STK33: variants seen among roughly 807,000 people sequenced by gnomAD.
STK33 encodes serine/threonine-protein kinase 33.
A neutral mutation model predicts 58.0 loss-of-function variants in STK33; 52 were observed. The observed-to-expected ratio is 0.90, with a 90% CI of 0.72 to 1.13. STK33 has a LOEUF of 1.13. Among genes scored for constraint, STK33 ranks in the 50% most tolerant of loss-of-function variants. The pLI is 0.00. For missense variants in STK33, 630 were observed against 604.2 expected (o/e 1.04, Z -0.45); for synonymous variants, 215 against 200.1 (o/e 1.07, Z -0.63).
chr11:8,371,994 TC>T, the STK33 span, among the ~76,000 whole-genome samples: 1 of 151,990 alleles, frequency 6.6e-6, no homozygotes, highest in Non-Finnish European at 1.5e-5. Flanking sequence ...CAAGCAATCC[TC>T]CTGCCTCAGC....
At chr11:8,354,403 G>A in the STK33 span, among the ~76,000 whole-genome samples, 215 of 150,926 alleles carry the variant, frequency 1.4e-3, no homozygotes, top group Middle Eastern at 3.4e-3. Flanking sequence ...TTGAAGGCAG[G>A]TGCTCATACT....
chr11:8,461,662 A>G, intron 8 of STK33, 143 bp downstream of exon 8: 1 of 499,746 alleles, frequency 2.0e-6, no homozygotes. Context: ...AAAGTCCTCC[A>G]GAATGTTCTC....
At chr11:8,337,277 C>G in the STK33 span, among the ~76,000 whole-genome samples, 1 of 152,334 alleles carries the variant, frequency 6.6e-6, no homozygotes, top group East Asian at 1.9e-4. Flanking sequence ...TGATTCCCGG[C>G]CTATTTCTGT....
chr11:8,504,709 G>A (rs1372705832), intron 1 of STK33, among the ~76,000 whole-genome samples: 1 of 152,074 alleles, frequency 6.6e-6, no homozygotes, highest in Non-Finnish European at 1.5e-5. Context: ...GGCTCAGGAG[G>A]ATCACTTGAG....
intron 1 of STK33, among the ~76,000 whole-genome samples, chr11:8,532,450 C>A (rs1954628719): frequency 6.6e-6 from 1 of 152,184 alleles, no homozygotes; most frequent in Admixed American, 6.5e-5. Context: ...GCCATCTGGC[C>A]CTTTGCCCAA....
At chr11:8,464,641 G>T in intron 7 of STK33, 68 bp downstream of exon 7, 2 of 1,127,528 alleles carry the variant, frequency 1.8e-6, no homozygotes, top group Non-Finnish European at 1.3e-6. Flanking sequence ...AGTGTAAAAA[G>T]CTGTACTGTC....
At chr11:8,563,005 T>G (rs907726609) in intron 1 of STK33, among the ~76,000 whole-genome samples, 1 of 152,144 alleles carries the variant, frequency 6.6e-6, no homozygotes, top group African/African-American at 2.4e-5. Flanking sequence ...ATTAGATTAT[T>G]CTAGCTAAAG....
the STK33 span, among the ~76,000 whole-genome samples, chr11:8,346,302 C>T: frequency 2.6e-5 from 4 of 152,170 alleles, no homozygotes; most frequent in African/African-American, 9.7e-5. Context: ...CCCCAGGTGA[C>T]CCTGCGGGGT....
rs78513651 is a variant in STK33, at chr11:8,534,330, A to G, written c.-465-53716T>C. On this transcript the variant is annotated intron_variant, in intron 1 of 15. Transcript: ENST00000687296. ...TTTTTCTGAGGAAAGATTCCAGTAC[A>G]TTCATCAGAGTCCCAAAACAGTCCA... Among the ~76,000 whole-genome samples, 1,055 of 152,172 alleles carry G rather than the reference A, an allele frequency of 6.9e-3. 12 individuals carry two copies. The highest frequency in any genetic ancestry group is 0.023 in the African/African-American group (960 of 41,494).
At chr11:8,443,038 C>T (rs75754460) in intron 11 of STK33, among the ~76,000 whole-genome samples, 10,020 of 152,208 alleles carry the variant, frequency 0.066, 360 homozygotes, top group Non-Finnish European at 0.071. Context: ...GTAGTGATTA[C>T]ACAAGTGTAT....
At position 8,424,323 on chromosome 11, in the gene STK33, A is replaced by AT. The variant is rs112642963; in HGVS notation, c.1147-10632dup. Among the ~76,000 whole-genome samples the AT allele has an allele frequency of 1.1e-4, 17 of 148,286 alleles. No individual in the cohort carries two copies. In the East Asian group the frequency reaches 3.3e-3, roughly 29 times the overall value. ...TCCCTACAAAGGACATGAACTCATC[A>AT]TTTTTTATGGCTGCATAGTATTCCA... On this transcript the variant is annotated intron_variant, in intron 14 of 15. Coordinates refer to ENST00000687296, the MANE Select transcript of STK33 (RefSeq NM_001352389.2).
intron 1 of STK33, among the ~76,000 whole-genome samples, chr11:8,553,155 C>T (rs1162737024): frequency 1.1e-5 from 1 of 90,480 alleles, no homozygotes; most frequent in Non-Finnish European, 2.3e-5. Context: ...GAGACTCCGT[C>T]TCCAAAAATA....
chr11:8,464,833 A>T lies in STK33; in HGVS notation c.340-11T>A, dbSNP rs757478678. On this transcript the variant is annotated splice_polypyrimidine_tract_variant and intron_variant, in intron 6 of 15. Transcript: ENST00000687296. The stretch of plus-strand genomic sequence containing the variant: ...AAAGGTATAGATTTCCTGGAGAAAA[A>T]AAAAAAAAGAGTTGTCTCTCTATGC... The T allele has an allele frequency of 1.9e-6, 3 of 1,554,182 alleles. No individual in the cohort carries two copies. The East Asian group carries it at 6.7e-5, about 35-fold the overall frequency.
chr11:8,483,700 C>T (rs1189415373), intron 1 of STK33, among the ~76,000 whole-genome samples: 1 of 152,072 alleles, frequency 6.6e-6, no homozygotes, highest in East Asian at 1.9e-4. Context: ...TAGGCTCCAG[C>T]CAGTACAATC....
intron 1 of STK33, among the ~76,000 whole-genome samples, chr11:8,522,110 G>A (rs1953507385): frequency 6.6e-6 from 1 of 152,172 alleles, no homozygotes. Context: ...ATTTGACCCA[G>A]CCATCTCATT....
intron 14 of STK33, among the ~76,000 whole-genome samples, chr11:8,428,492 A>G (rs1463052796): frequency 6.6e-6 from 1 of 152,190 alleles, no homozygotes; most frequent in Non-Finnish European, 1.5e-5. Context: ...GTTTCTCTCT[A>G]AAGTTACTTT....
chr11:8,445,189 T>C (rs1364342160), intron 11 of STK33, among the ~76,000 whole-genome samples: 1 of 152,222 alleles, frequency 6.6e-6, no homozygotes, highest in African/African-American at 2.4e-5. Flanking sequence ...CTGTCTGTTA[T>C]TGGTGTCTAG....
chr11:8,583,669 T>C (rs2030871007), intron 1 of STK33, among the ~76,000 whole-genome samples: 2 of 152,154 alleles, frequency 1.3e-5, no homozygotes, highest in African/African-American at 4.8e-5. Context: ...GACCAAAACT[T>C]TCTAAATTTA....
At chr11:8,522,191 C>T (rs1365734884) in intron 1 of STK33, among the ~76,000 whole-genome samples, 1 of 152,178 alleles carries the variant, frequency 6.6e-6, no homozygotes, top group Non-Finnish European at 1.5e-5. Context: ...TTTACTGTGG[C>T]ACTATTCACA....
Sources: allele counts gnomAD v4.1 joint callset (sites outside exome capture counted in the v4.1 genomes callset), GRCh38; gene constraint gnomAD v4.1.1; transcripts MANE v1.5; gene names NCBI Gene and HGNC (gene_info 2026-07-23, HGNC 2026-07-21).